Variants in ATP9B observed in about 807,000 individuals in gnomAD.
ATP9B encodes probable phospholipid-transporting ATPase IIB.
A neutral mutation model predicts 146.1 loss-of-function variants in ATP9B; 110 were observed. That is an observed-to-expected ratio of 0.75 (90% confidence interval 0.65 to 0.88). The LOEUF is 0.88. ATP9B is among the 40% of genes least tolerant of loss of function. The pLI is 0.00. For missense variants in ATP9B, 1,499 were observed against 1,496.4 expected (o/e 1.00, Z -0.03); for synonymous variants, 604 against 569.7 (o/e 1.06, Z -0.86).
At chr18:79,366,126 G>A (rs1568839867) in intron 26 of ATP9B, among the ~76,000 whole-genome samples, 2 of 152,212 alleles carry the variant, frequency 1.3e-5, no homozygotes, top group African/African-American at 2.4e-5. Flanking sequence ...CGGACACCTG[G>A]GAGGTGCAGA....
chr18:79,151,290 A>C (rs2094684868), intron 6 of ATP9B, among the ~76,000 whole-genome samples: 1 of 152,210 alleles, frequency 6.6e-6, no homozygotes, highest in Non-Finnish European at 1.5e-5. Context: ...GATTTTTGGC[A>C]AGAGTGCCTA....
intron 13 of ATP9B, 51 bp downstream of exon 13, chr18:79,277,247 T>TA (rs777367853): frequency 1.3e-6 from 2 of 1,599,282 alleles, no homozygotes; most frequent in East Asian, 2.2e-5. Context: ...TGACATTTAA[T>TA]AAAAAATAGC....
chr18:79,290,553 A>AC lies in ATP9B; in HGVS notation c.1412-13048dup, dbSNP rs371389621. 9.0e-3 allele frequency among the ~76,000 whole-genome samples: 1,366 copies of AC among 152,226 alleles called. 7 individuals carry two copies. The highest frequency in any genetic ancestry group is 0.023 in the African/African-American group (964 of 41,544). On this transcript the variant is annotated intron_variant, in intron 13 of 29. Transcript: ENST00000426216. The stretch of plus-strand genomic sequence containing the variant: ...TTTGACTAGGAAAGGGAACTCCCTG[A>AC]CCCTTGCTCTTCCCGAGTGAGGCAA...
At chr18:79,234,604 C>G (rs557714757) in intron 11 of ATP9B, among the ~76,000 whole-genome samples, 1 of 147,418 alleles carries the variant, frequency 6.8e-6, no homozygotes, top group Non-Finnish European at 1.5e-5. Context: ...TGCTGTGGGC[C>G]TGCTTGCTGT....
intron 15 of ATP9B, among the ~76,000 whole-genome samples, chr18:79,321,463 A>C (rs1415736971): frequency 1.3e-5 from 2 of 151,102 alleles, no homozygotes; most frequent in African/African-American, 4.9e-5. Flanking sequence ...GCTCACTGCA[A>C]CCTCTGCCTC....
rs376673774 is a variant in ATP9B at position 79,120,654 on chromosome 18, G to A, written c.559-5613G>A. Reference sequence around the variant, plus strand: ...TGTAATCAGAGTAACAAAACAGAATGTCATGCTTCTATCAAAATGAACGAG... The same window carrying A: ...TGTAATCAGAGTAACAAAACAGAATATCATGCTTCTATCAAAATGAACGAG... On this transcript the variant is annotated intron_variant, in intron 4 of 29. Transcript: ENST00000426216. 5.3e-5 allele frequency among the ~76,000 whole-genome samples: 8 copies of A among 152,268 alleles called. No homozygotes were observed. The East Asian group carries it at 1.4e-3, about 26-fold the overall frequency.
intron 12 of ATP9B, among the ~76,000 whole-genome samples, chr18:79,265,589 T>G (rs1373191955): frequency 6.6e-6 from 1 of 152,242 alleles, no homozygotes; most frequent in Non-Finnish European, 1.5e-5. Flanking sequence ...TGCTGGATAT[T>G]AAACCTTTGT....
intron 7 of ATP9B, among the ~76,000 whole-genome samples, chr18:79,155,338 A>G (rs540973162): frequency 6.6e-6 from 1 of 152,224 alleles, no homozygotes; most frequent in East Asian, 1.9e-4. Context: ...TGAGCTTTCA[A>G]AAATACTAAG....
chr18:79,184,725 A>AT (rs2095288558), intron 8 of ATP9B, among the ~76,000 whole-genome samples: 1 of 152,150 alleles, frequency 6.6e-6, no homozygotes, highest in Non-Finnish European at 1.5e-5. Context: ...ATACTCAAGT[A>AT]ATCTCTGCAG....
chr18:79,218,738 A>C (rs2095651683), intron 11 of ATP9B, among the ~76,000 whole-genome samples: 1 of 152,240 alleles, frequency 6.6e-6, no homozygotes, highest in Non-Finnish European at 1.5e-5. Flanking sequence ...GGATAAGAAA[A>C]TACTGATGTG....
At chr18:79,183,801 A>AG (rs2095277228) in intron 8 of ATP9B, among the ~76,000 whole-genome samples, 2 of 151,434 alleles carry the variant, frequency 1.3e-5, no homozygotes, top group South Asian at 2.1e-4. Context: ...TTAAAAAAAA[A>AG]AAAAGAAAAA....
intron 5 of ATP9B, among the ~76,000 whole-genome samples, chr18:79,132,526 T>C (rs1204063972): frequency 6.6e-6 from 1 of 152,252 alleles, no homozygotes; most frequent in Non-Finnish European, 1.5e-5. Context: ...AATCCAGTGT[T>C]CTTTCAGCTG....
intron 11 of ATP9B, among the ~76,000 whole-genome samples, chr18:79,226,411 C>G (rs920764248): frequency 2.6e-5 from 4 of 152,204 alleles, no homozygotes; most frequent in African/African-American, 7.2e-5. Flanking sequence ...TGTCTCAACT[C>G]TTAGGAGAGA....
At chr18:79,140,789 G>T (rs1274276986) in intron 5 of ATP9B, among the ~76,000 whole-genome samples, 1 of 151,608 alleles carries the variant, frequency 6.6e-6, no homozygotes, top group Non-Finnish European at 1.5e-5. Flanking sequence ...TCAAACAGCA[G>T]CAAAAAAAAG....
intron 7 of ATP9B, among the ~76,000 whole-genome samples, chr18:79,173,547 C>G (rs1905962279): frequency 1.3e-5 from 2 of 151,848 alleles, no homozygotes; most frequent in Admixed American, 6.6e-5. Flanking sequence ...CTATGTATGT[C>G]CAAATGCTCT....
At chr18:79,127,867 TACATA>T (rs2094313170) in intron 5 of ATP9B, among the ~76,000 whole-genome samples, 1 of 152,164 alleles carries the variant, frequency 6.6e-6, no homozygotes, top group East Asian at 1.9e-4. Flanking sequence ...TCCTCACCTG[TACATA>T]ACTCTCTGCC....
chr18:79,330,194 G>A, intron 17 of ATP9B, 90 bp downstream of exon 17: 1 of 1,158,940 alleles, frequency 8.6e-7, no homozygotes, highest in Non-Finnish European at 1.3e-6. Flanking sequence ...GTGTTTCTAT[G>A]AACTTTATTG....
chr18:79,178,354 C>T (rs904473428), intron 8 of ATP9B, among the ~76,000 whole-genome samples: 3 of 152,264 alleles, frequency 2.0e-5, no homozygotes, highest in East Asian at 1.9e-4. Context: ...GATATCTTAT[C>T]GTGGCTTCAG....
At chr18:79,301,855 T>C (rs140948636) in intron 13 of ATP9B, among the ~76,000 whole-genome samples, 16 of 152,348 alleles carry the variant, frequency 1.1e-4, no homozygotes, top group Admixed American at 2.0e-4. Flanking sequence ...TCTAAGAGCA[T>C]TTATCAAAAC....
Sources: gnomAD v4.1 joint callset for allele counts (sites outside exome capture counted in the v4.1 genomes callset) on GRCh38, gnomAD v4.1.1 for gene constraint, MANE v1.5 for transcripts, NCBI Gene and HGNC (gene_info 2026-07-23, HGNC 2026-07-21) for gene names.